SCHIP1: variants seen among roughly 807,000 people sequenced by gnomAD.
SCHIP1 encodes the protein schwannomin interacting protein 1, also known as schwannomin-interacting protein 1.
SCHIP1 carries 8 observed loss-of-function variants against 29.7 expected under a neutral mutation model. The observed-to-expected ratio is 0.27, with a 90% CI of 0.16 to 0.49. The LOEUF (loss-of-function observed/expected upper bound fraction) is 0.49, where lower values mean the gene tolerates loss of function less well. SCHIP1 is among the 20% of genes least tolerant of loss of function. The probability of loss-of-function intolerance (pLI) is 0.99; values close to 1 mark genes in which losing one functional copy is unlikely to be tolerated. For synonymous variants in SCHIP1, 76 were observed against 94.9 expected (o/e 0.80, Z 1.16); for missense variants, 193 against 294.6 (o/e 0.66, Z 2.52).
chr3:159,325,985 G>A, the SCHIP1 span, among the ~76,000 whole-genome samples: 1 of 152,030 alleles, frequency 6.6e-6, no homozygotes, highest in African/African-American at 2.4e-5. Flanking sequence ...TTGGACACTT[G>A]TAATGTGCCA....
chr3:159,397,973 C>T, the SCHIP1 span, among the ~76,000 whole-genome samples: 68 of 152,234 alleles, frequency 4.5e-4, no homozygotes, highest in Admixed American at 2.0e-3. Flanking sequence ...TAGCAATCAG[C>T]GAGACTCCGT....
the SCHIP1 span, among the ~76,000 whole-genome samples, chr3:159,412,521 T>C: frequency 6.6e-6 from 1 of 152,186 alleles, no homozygotes; most frequent in East Asian, 1.9e-4. Flanking sequence ...TTAGATTGTG[T>C]ACCACAAACA....
chr3:159,814,480 G>A, the SCHIP1 span, among the ~76,000 whole-genome samples: 1 of 152,184 alleles, frequency 6.6e-6, no homozygotes, highest in Non-Finnish European at 1.5e-5. Context: ...TCCTCTCGCG[G>A]GTATAGCAGA....
the SCHIP1 span, among the ~76,000 whole-genome samples, chr3:159,772,677 G>T: frequency 3.9e-5 from 6 of 152,206 alleles, no homozygotes; most frequent in Non-Finnish European, 5.9e-5. Flanking sequence ...TAGTGCTAAA[G>T]TAGTAATTCC....
chr3:159,341,218 GTGC>G, the SCHIP1 span, among the ~76,000 whole-genome samples: 1 of 150,766 alleles, frequency 6.6e-6, no homozygotes, highest in Non-Finnish European at 1.5e-5. Flanking sequence ...AGCTTTTGAA[GTGC>G]TGCCGCCTTA....
chr3:159,421,927 A>T, the SCHIP1 span, among the ~76,000 whole-genome samples: 1 of 152,232 alleles, frequency 6.6e-6, no homozygotes, highest in South Asian at 2.1e-4. Flanking sequence ...GCACCATGAT[A>T]CTTCAAAGAG....
At chr3:159,788,721 T>TA in the SCHIP1 span, among the ~76,000 whole-genome samples, 2 of 151,896 alleles carry the variant, frequency 1.3e-5, no homozygotes, top group Non-Finnish European at 2.9e-5. Flanking sequence ...GTGCTAAAAA[T>TA]AAAAAAAGAT....
chr3:159,329,375 C>A, the SCHIP1 span, among the ~76,000 whole-genome samples: 1 of 152,124 alleles, frequency 6.6e-6, no homozygotes, highest in Non-Finnish European at 1.5e-5. Flanking sequence ...ATTGATGGAA[C>A]CGGAGAAGAT....
chr3:159,558,093 C>T, the SCHIP1 span, among the ~76,000 whole-genome samples: 1 of 152,192 alleles, frequency 6.6e-6, no homozygotes, highest in East Asian at 1.9e-4. Context: ...CTGGGATGCT[C>T]ATGTAGGAAG....
chr3:159,634,671 T>G, the SCHIP1 span, among the ~76,000 whole-genome samples: 6 of 152,222 alleles, frequency 3.9e-5, no homozygotes, highest in Non-Finnish European at 8.8e-5. Context: ...TGATGGGAAT[T>G]GCAGGTTGTT....
the SCHIP1 span, among the ~76,000 whole-genome samples, chr3:159,789,069 G>A: frequency 1.3e-5 from 2 of 152,086 alleles, no homozygotes; most frequent in African/African-American, 4.8e-5. Flanking sequence ...AAGCATTTCA[G>A]ATAAGAGATA....
At chr3:159,765,181 A>C in the SCHIP1 span, 1 of 1,515,028 alleles carries the variant, frequency 6.6e-7, no homozygotes, top group Admixed American at 2.1e-5. Context: ...ACACACGCGT[A>C]CACACCCCGC....
the SCHIP1 span, among the ~76,000 whole-genome samples, chr3:159,540,286 ACTTTCTTTC>A: frequency 6.6e-6 from 1 of 152,138 alleles, no homozygotes; most frequent in African/African-American, 2.4e-5. Context: ...GTAGAAAGGT[ACTTTCTTTC>A]CTTGAATCTG....
chr3:159,623,728 C>A, the SCHIP1 span, among the ~76,000 whole-genome samples: 1 of 152,120 alleles, frequency 6.6e-6, no homozygotes, highest in African/African-American at 2.4e-5. Flanking sequence ...CTGTAGGGTA[C>A]TTGTATAAAA....
chr3:159,832,158 C>A, the SCHIP1 span, among the ~76,000 whole-genome samples: 4 of 152,116 alleles, frequency 2.6e-5, no homozygotes, highest in Non-Finnish European at 5.9e-5. Context: ...TAACCTGCAG[C>A]AGCTCCAACC....
the SCHIP1 span, among the ~76,000 whole-genome samples, chr3:159,341,544 C>T: frequency 3.3e-5 from 5 of 152,246 alleles, no homozygotes; most frequent in South Asian, 1.0e-3. Flanking sequence ...AGCCAGCTCA[C>T]ACAGGGCTGT....
intron 5 of SCHIP1, among the ~76,000 whole-genome samples, chr3:159,890,769 A>ATT (rs376138066): frequency 6.8e-6 from 1 of 147,498 alleles, no homozygotes; most frequent in Non-Finnish European, 1.5e-5. Flanking sequence ...TCTTTGTGTG[A>ATT]TTTTTTTTTT....
the SCHIP1 span, among the ~76,000 whole-genome samples, chr3:159,801,729 T>G: frequency 6.6e-6 from 1 of 152,146 alleles, no homozygotes; most frequent in Non-Finnish European, 1.5e-5. Flanking sequence ...AATTCTATAT[T>G]TCTATATACC....
the SCHIP1 span, among the ~76,000 whole-genome samples, chr3:159,598,732 T>C: frequency 2.6e-5 from 4 of 152,108 alleles, no homozygotes; most frequent in South Asian, 8.3e-4. Context: ...TTGAAAGGAG[T>C]TTCATTAAGC....
Sources: allele counts gnomAD v4.1 joint callset (sites outside exome capture counted in the v4.1 genomes callset), GRCh38; gene constraint gnomAD v4.1.1; transcripts MANE v1.5; gene names NCBI Gene and HGNC (gene_info 2026-07-23, HGNC 2026-07-21).